The following MED12L variants were observed in gnomAD, a reference collection of about 807,000 sequenced individuals.
The protein encoded by MED12L is mediator complex subunit 12L, also known as mediator of RNA polymerase II transcription subunit 12-like protein.
MED12L carries 60 observed loss-of-function variants against 281.3 expected under a neutral mutation model. The ratio of observed to expected loss-of-function variants is 0.21; its 90% confidence interval spans 0.17 to 0.26. The LOEUF is 0.26. Ranked by LOEUF, MED12L falls within the 10% of genes least tolerant of loss-of-function variation. MED12L has a pLI of 1.00. For synonymous variants in MED12L, 974 were observed against 987.2 expected (o/e 0.99, Z 0.25); for missense variants, 2,146 against 2,680.9 (o/e 0.80, Z 4.41).
In MED12L at chr3:151,346,026, C is replaced by T. The variant is rs529551416; in HGVS notation, c.2251-4033C>T. Among the ~76,000 whole-genome samples, 5 of 152,266 alleles carry T rather than the reference C, an allele frequency of 3.3e-5. No homozygotes were observed. The East Asian group carries it at 5.8e-4, about 18-fold the overall frequency. On this transcript the variant is annotated intron_variant, in intron 16 of 44. Transcript: ENST00000687756. ...GCAGTGATTCTTTTCCAGCTCACTA[C>T]GTGCTGCTTTTGCTTTCAGTTTTAT...
chr3:151,281,815 T>C (rs1290232365), intron 16 of MED12L, among the ~76,000 whole-genome samples: 1 of 152,116 alleles, frequency 6.6e-6, no homozygotes, highest in Non-Finnish European at 1.5e-5. Context: ...GCCTTATTAG[T>C]AATAGGACTG....
intron 39 of MED12L, among the ~76,000 whole-genome samples, chr3:151,399,230 T>G (rs1021964426): frequency 6.6e-6 from 1 of 152,192 alleles, no homozygotes; most frequent in African/African-American, 2.4e-5. Flanking sequence ...AAACAGCCCT[T>G]AGAACAGTGG....
chr3:151,145,992 A>G (rs1400714335), intron 5 of MED12L, among the ~76,000 whole-genome samples: 3 of 152,094 alleles, frequency 2.0e-5, no homozygotes. Context: ...GCGTTAATTT[A>G]CGTATCTGAT....
rs1311722496 is a variant in MED12L at position 151,122,971 on chromosome 3, A to T, written c.393A>T (p.Lys131Asn). The change falls in exon 4 of 45, where the codon AAA (lysine) becomes AAT (asparagine). Residue 131 changes from lysine to asparagine, a missense_variant. Physicochemically the swap from Lys to Asn is moderately conservative, Grantham distance 94. This residue lies in a region of MED12L where 722 missense variants were observed against 861.2 expected (regional missense o/e 0.84). Transcript: ENST00000687756. Reference sequence around the variant, plus strand: ...ATAAGCCACTTTCTATTTTGGCAAAAAAGGTATCAAATATTTCTTACATTG... The same window carrying T: ...ATAAGCCACTTTCTATTTTGGCAAATAAGGTATCAAATATTTCTTACATTG... ...AGNKPLSILAKKVPILSKKED... is the reference protein window; with the variant it reads ...AGNKPLSILANKVPILSKKED... The T allele has an allele frequency of 1.9e-6, 3 of 1,601,342 alleles. No individual in the cohort carries two copies. The East Asian group carries it at 6.7e-5, about 36-fold the overall frequency.
chr3:151,127,262 G>C (rs1039912850), intron 4 of MED12L, among the ~76,000 whole-genome samples: 1 of 152,184 alleles, frequency 6.6e-6, no homozygotes, highest in African/African-American at 2.4e-5. Context: ...CTGGCTCAGT[G>C]TTTATTAGGC....
rs770915076 is a variant in MED12L, at chr3:151,213,914, C to A, written c.2250+20248C>A. ...ACTGACAGAAGTTTGCTGTAACTCACTGACTGGATGAAAGAAGTCCAAAGA... is the reference window on the plus strand; with the variant it reads ...ACTGACAGAAGTTTGCTGTAACTCAATGACTGGATGAAAGAAGTCCAAAGA... On this transcript the variant is annotated intron_variant, in intron 16 of 44. Coordinates refer to ENST00000687756, the MANE Select transcript of MED12L (RefSeq NM_001393769.1). The A allele has an allele frequency of 1.9e-6, 3 of 1,614,142 alleles. No homozygotes were observed. The Admixed American group carries it at 5.0e-5, about 27-fold the overall frequency.
chr3:151,138,979 A>ACC lies in MED12L; in HGVS notation c.556+10995_556+10996insCC, dbSNP rs201287007. Reference sequence around the variant, plus strand: ...CTTCTGCATGGGTGATTTGTCTCTTATCTACCTACCTACCTACCTACCTGC... The same window carrying ACC: ...CTTCTGCATGGGTGATTTGTCTCTTACCTCTACCTACCTACCTACCTACCTGC... On this transcript the variant is annotated intron_variant, in intron 5 of 44. Transcript: ENST00000687756. Among the ~76,000 whole-genome samples the ACC allele has an allele frequency of 7.6e-3, 1,064 of 140,242 alleles. 65 individuals carry two copies. In the East Asian group the frequency reaches 0.16, roughly 20 times the overall value. 92.0% of individuals were successfully genotyped at this position (140,242 alleles called of 152,430 possible). A position where few individuals can be genotyped will look rare whatever the true frequency, so the allele number is the denominator to read the frequency against.
intron 16 of MED12L, among the ~76,000 whole-genome samples, chr3:151,346,583 A>G (rs1038599858): frequency 7.9e-5 from 12 of 152,168 alleles, no homozygotes; most frequent in Non-Finnish European, 1.5e-4. Context: ...ACCTCACTGG[A>G]CGTTGTCAGT....
intron 16 of MED12L, among the ~76,000 whole-genome samples, chr3:151,280,240 A>T (rs6782313): frequency 0.55 from 84,312 of 151,936 alleles, 24,629 homozygotes; most frequent in African/African-American, 0.75. Context: ...ACCCAGGGGG[A>T]CAGTTGTGTC....
chr3:151,380,469 C>T (rs751464171), intron 32 of MED12L, among the ~76,000 whole-genome samples: 34 of 151,990 alleles, frequency 2.2e-4, no homozygotes, highest in Non-Finnish European at 4.1e-4. Flanking sequence ...TGATGGTGTG[C>T]GCCTATGATC....
At chr3:151,197,583 A>G (rs1724851607) in intron 16 of MED12L, among the ~76,000 whole-genome samples, 2 of 152,154 alleles carry the variant, frequency 1.3e-5, no homozygotes, top group South Asian at 4.2e-4. Flanking sequence ...TATCTGTTTT[A>G]TAAAGACCAT....
chr3:151,345,757 AT>A (rs963832022), intron 16 of MED12L, among the ~76,000 whole-genome samples: 4 of 151,954 alleles, frequency 2.6e-5, no homozygotes, highest in Non-Finnish European at 5.9e-5. Context: ...ACCTCAGGTG[AT>A]CCTCCACCTC....
intron 43 of MED12L, among the ~76,000 whole-genome samples, chr3:151,418,203 G>A (rs540190467): frequency 1.3e-5 from 2 of 151,818 alleles, no homozygotes; most frequent in East Asian, 1.9e-4. Flanking sequence ...AAACATACAT[G>A]TGCCTCTTTA....
chr3:151,106,754 A>G (rs1463641499), intron 2 of MED12L, among the ~76,000 whole-genome samples: 3 of 152,130 alleles, frequency 2.0e-5, no homozygotes, highest in African/African-American at 7.2e-5. Flanking sequence ...CCTTTTTATC[A>G]TTATGACTTG....
chr3:151,338,488 T>C lies in MED12L; in HGVS notation c.2251-11571T>C, dbSNP rs747141489. 7.4e-6 allele frequency: 12 copies of C among 1,613,858 alleles called. No homozygotes were observed. In the African/African-American group the frequency reaches 1.2e-4, roughly 16 times the overall value. On this transcript the variant is annotated intron_variant, in intron 16 of 44. Transcript: ENST00000687756. ...CTGGTGGTCTTCTGGTAGCGATCGATAGTTATCAGTCCCAGGAATGAAATA... is the reference window on the plus strand; with the variant it reads ...CTGGTGGTCTTCTGGTAGCGATCGACAGTTATCAGTCCCAGGAATGAAATA...
Position 151,372,761 on chromosome 3 carries a change from C to A in MED12L, c.3859C>A (p.Gln1287Lys). 1 of 1,611,608 alleles carries A rather than the reference C, an allele frequency of 6.2e-7. No individual in the cohort carries two copies. Among genetic ancestry groups the A allele is most frequent in the South Asian group, 1.1e-5 (1 of 90,970 alleles). ...TAGATATGTACTGAGGACTATCTGT[C>A]AACAGGTATTCTAATTTAATTTGCC... Reference protein sequence around the residue: ...YARYVLRTICQQEWVGEHCLK... With the variant: ...YARYVLRTICKQEWVGEHCLK... Residue 1287 changes from glutamine (Q) to lysine (K), a missense_variant, in exon 27 of 45, where the codon CAA becomes AAA. Gln to Lys is a moderately conservative substitution (Grantham distance 53). Around this residue, in one of 9 missense-constraint regions of MED12L, gnomAD observed 235 missense variants for 260.3 expected, o/e 0.90. Coordinates refer to ENST00000687756, the MANE Select transcript of MED12L (RefSeq NM_001393769.1).
chr3:151,228,950 G>A (rs1731069922), intron 16 of MED12L, among the ~76,000 whole-genome samples: 1 of 152,134 alleles, frequency 6.6e-6, no homozygotes, highest in Non-Finnish European at 1.5e-5. Context: ...GCATTTCTCA[G>A]GCAAGCAGTA....
chr3:151,106,332 C>G lies in MED12L; in HGVS notation c.100-10006C>G, dbSNP rs1217782778. 4.0e-5 allele frequency among the ~76,000 whole-genome samples: 5 copies of G among 125,078 alleles called. No individual in the cohort carries two copies. The East Asian group carries it at 1.5e-3, about 38-fold the overall frequency. 82.1% of individuals were successfully genotyped at this position (125,078 alleles called of 152,430 possible). A position where few individuals can be genotyped will look rare whatever the true frequency, so the allele number is the denominator to read the frequency against. On this transcript the variant is annotated intron_variant, in intron 2 of 44. Transcript: ENST00000687756. ...TTCTCCCCTCCCCTCCCCTCCCCTC[C>G]CCTCCCCTCCCCTTTCCTTTCCTTT...
At chr3:151,088,226 C>G (rs1482466865) in intron 2 of MED12L, among the ~76,000 whole-genome samples, 2 of 152,180 alleles carry the variant, frequency 1.3e-5, no homozygotes, top group African/African-American at 4.8e-5. Flanking sequence ...ACTAAATATG[C>G]TCTAGCATCA....
Sources: gnomAD v4.1 joint callset for allele counts (sites outside exome capture counted in the v4.1 genomes callset) on GRCh38, gnomAD v4.1.1 for gene constraint, gnomAD v4.1.1 regional missense constraint, MANE v1.5 for transcripts, NCBI Gene and HGNC (gene_info 2026-07-23, HGNC 2026-07-21) for gene names.